Variants in DNAH3 observed in about 807,000 individuals in gnomAD.
The protein encoded by DNAH3 is axonemal beta dynein heavy chain 3.
A neutral mutation model predicts 432.5 loss-of-function variants in DNAH3; 332 were observed. The ratio of observed to expected loss-of-function variants is 0.77; its 90% CI spans 0.70 to 0.84. DNAH3 has a LOEUF of 0.84. Ranked by LOEUF, DNAH3 falls within the 40% of genes least tolerant of loss-of-function variation. The pLI is 0.00. For synonymous variants in DNAH3, 1,956 were observed against 1,900.2 expected, an observed-to-expected ratio of 1.03 and a Z score of -0.76; for missense variants, 4,861 against 5,114.0, an observed-to-expected ratio of 0.95 and a Z score of 1.51.
intron 41 of DNAH3, among the ~76,000 whole-genome samples, chr16:21,010,687 T>C (rs1447412536): frequency 6.6e-6 from 1 of 152,044 alleles, no homozygotes; most frequent in East Asian, 1.9e-4. Context: ...CCTGGAGCAC[T>C]CGGCATTAGA....
intron 44 of DNAH3, among the ~76,000 whole-genome samples, chr16:20,991,773 T>C (rs1437272178): frequency 6.6e-6 from 1 of 152,228 alleles, no homozygotes; most frequent in African/African-American, 2.4e-5. Flanking sequence ...AGAGACTTGT[T>C]GGGATTCAGA....
Position 20,966,014 on chromosome 16 carries a change from A to ATTT in DNAH3, c.8459-592_8459-590dup, listed in dbSNP as rs555983378. ...AGGCCTGAGCCACCATGCCCAGCCA[A>ATTT]TTTTTTTTTTTTTTTTTTTTTTTTT... On this transcript the variant is annotated intron_variant, in intron 52 of 61. Transcript: ENST00000261383. Among the ~76,000 whole-genome samples the ATTT allele has an allele frequency of 1.9e-3, 90 of 48,372 alleles. 10 individuals carry two copies. Among genetic ancestry groups the ATTT allele is most frequent in the African/African-American group, 4.0e-3 (49 of 12,144 alleles). The allele number at this position is 48,372 out of a possible 152,430, so 31.7% of individuals were successfully genotyped here. A position where few individuals can be genotyped will look rare whatever the true frequency, so the allele number is the denominator to read the frequency against.
chr16:20,959,446 C>T, intron 53 of DNAH3, 42 bp from the exon 54 acceptor site: 7 of 1,581,992 alleles, frequency 4.4e-6, no homozygotes, highest in Non-Finnish European at 6.1e-6. Flanking sequence ...GACGACAGGC[C>T]AGCTAACAGT....
intron 21 of DNAH3, among the ~76,000 whole-genome samples, chr16:21,073,802 T>G (rs1413127779): frequency 6.6e-6 from 1 of 152,130 alleles, no homozygotes; most frequent in Non-Finnish European, 1.5e-5. Context: ...AGACTGTCGT[T>G]CCTGAGGGGG....
chr16:20,963,387 C>T, exon 53 of DNAH3: 3 of 1,614,166 alleles, frequency 1.9e-6, no homozygotes, highest in Non-Finnish European at 2.5e-6. Flanking sequence ...CTTCGATATA[C>T]AGCTTTCCCA....
intron 31 of DNAH3, among the ~76,000 whole-genome samples, chr16:21,045,152 C>T (rs2089636151): frequency 6.6e-6 from 1 of 150,846 alleles, no homozygotes; most frequent in Non-Finnish European, 1.5e-5. Flanking sequence ...TGTTGTGTCT[C>T]TGCCTGGCTT....
chr16:21,056,400 CCCTT>C (rs987863890), intron 27 of DNAH3, among the ~76,000 whole-genome samples: 14 of 138,698 alleles, frequency 1.0e-4, no homozygotes, highest in African/African-American at 3.3e-4. Context: ...CTCCCTCTCT[CCCTT>C]CCTTCCTTCC....
chr16:21,136,415 CGT>C lies in DNAH3; in HGVS notation c.793_794del (p.Thr265AlafsTer21), dbSNP rs774816669. On this transcript the variant is annotated frameshift_variant, in exon 6 of 62. Coordinates refer to ENST00000261383, the Ensembl canonical transcript of DNAH3. LOFTEE classifies it high-confidence loss of function. Reference sequence around the variant, plus strand: ...GCTCCAGGAAGGGACTCGTCAGCAGCGTGTTAGAAATCAGCTTTGAAATCCGA... The same window carrying C: ...GCTCCAGGAAGGGACTCGTCAGCAGCGTTAGAAATCAGCTTTGAAATCCGA... 6 of 1,613,956 alleles carry C rather than the reference CGT, an allele frequency of 3.7e-6. No individual in the cohort carries two copies. In the Admixed American group the frequency reaches 1.0e-4, roughly 27 times the overall value.
intron 18 of DNAH3, among the ~76,000 whole-genome samples, chr16:21,091,009 T>C (rs1272259530): frequency 1.3e-5 from 2 of 151,820 alleles, no homozygotes; most frequent in African/African-American, 4.8e-5. Context: ...AAAAATTAGC[T>C]GGGTGTGGTG....
chr16:21,023,450 G>A (rs1347441533), intron 39 of DNAH3, among the ~76,000 whole-genome samples: 1 of 152,178 alleles, frequency 6.6e-6, no homozygotes, highest in Non-Finnish European at 1.5e-5. Flanking sequence ...TTTAAATAGG[G>A]TAAAGAAGCC....
intron 5 of DNAH3, among the ~76,000 whole-genome samples, chr16:21,138,456 C>A (rs7184741): frequency 0.72 from 109,278 of 151,928 alleles, 39,803 homozygotes; most frequent in East Asian, 1. Context: ...AGGGTGTTTA[C>A]CAAGGACCCC....
intron 56 of DNAH3, 138 bp from the exon 57 acceptor site, chr16:20,948,775 C>T: frequency 1.0e-6 from 1 of 960,334 alleles, no homozygotes; most frequent in Non-Finnish European, 1.5e-6. Context: ...CAGGAAAATT[C>T]CGGGCAGAAG....
intron 59 of DNAH3, among the ~76,000 whole-genome samples, chr16:20,939,334 G>A (rs573135196): frequency 5.3e-5 from 8 of 152,256 alleles, no homozygotes; most frequent in Admixed American, 3.3e-4. Context: ...ACCCTAGGCC[G>A]GGCACAGTGG....
At chr16:21,099,385 T>G (rs567826861) in intron 16 of DNAH3, among the ~76,000 whole-genome samples, 9 of 152,046 alleles carry the variant, frequency 5.9e-5, no homozygotes, top group Middle Eastern at 3.4e-3. Context: ...CTGAAGAAAA[T>G]AAAATAGGGC....
intron 14 of DNAH3, 55 bp downstream of exon 14, chr16:21,111,571 C>T (rs746874618): frequency 4.5e-6 from 7 of 1,540,912 alleles, no homozygotes; most frequent in South Asian, 2.4e-5. Context: ...GTCACTTTTT[C>T]GTCTCCAGTT....
chr16:21,003,516 T>TA (rs1233818701), intron 41 of DNAH3, among the ~76,000 whole-genome samples: 1 of 152,222 alleles, frequency 6.6e-6, no homozygotes, highest in Admixed American at 6.5e-5. Flanking sequence ...CTCACGCCTG[T>TA]AATCACTGGA....
chr16:20,955,186 T>C (rs1039892201), intron 54 of DNAH3, 129 bp from the exon 55 acceptor site: 1 of 837,228 alleles, frequency 1.2e-6, no homozygotes. Flanking sequence ...CCCATCTCTA[T>C]GAAAAACATT....
At chr16:21,127,605 G>C in intron 8 of DNAH3, 82 bp downstream of exon 9, 1 of 1,528,768 alleles carries the variant, frequency 6.5e-7, no homozygotes, top group Non-Finnish European at 8.8e-7. Flanking sequence ...ACAAACCCCA[G>C]GCTGGGTACC....
intron 57 of DNAH3, among the ~76,000 whole-genome samples, chr16:20,947,250 G>A (rs917233174): frequency 2.0e-5 from 3 of 152,084 alleles, no homozygotes; most frequent in African/African-American, 7.2e-5. Flanking sequence ...AGCTGACCAC[G>A]TGGAGGTTCC....
Sources: gnomAD v4.1 joint callset for allele counts (sites outside exome capture counted in the v4.1 genomes callset) on GRCh38, gnomAD v4.1.1 for gene constraint, MANE v1.5 for transcripts, NCBI Gene and HGNC (gene_info 2026-07-23, HGNC 2026-07-21) for gene names.